Variants in ELAPOR1 observed in about 807,000 individuals in gnomAD.
The protein encoded by ELAPOR1 is endosome-lysosome associated apoptosis and autophagy regulator 1.
In ELAPOR1, 77 loss-of-function variants were observed where a neutral mutation model predicts 119.7. That is an observed-to-expected ratio of 0.64 (90% confidence interval 0.54 to 0.78). The LOEUF is 0.78. Ranked by LOEUF, ELAPOR1 falls within the 30% of genes least tolerant of loss-of-function variation. The pLI, the probability that ELAPOR1 is intolerant of heterozygous loss-of-function variation, is 0.00. For missense variants in ELAPOR1, 1,115 were observed against 1,270.4 expected, an observed-to-expected ratio of 0.88 and a Z score of 1.86; for synonymous variants, 481 against 487.2, an observed-to-expected ratio of 0.99 and a Z score of 0.17.
intron 15 of ELAPOR1, among the ~76,000 whole-genome samples, chr1:109,195,003 G>A (rs1056805899): frequency 7.2e-5 from 11 of 152,086 alleles, no homozygotes; most frequent in Admixed American, 1.3e-4. Context: ...CCAGCTACTC[G>A]AGAGGCTGAG....
chr1:109,152,813 G>T (rs938605115), intron 1 of ELAPOR1, among the ~76,000 whole-genome samples: 3 of 151,746 alleles, frequency 2.0e-5, no homozygotes, highest in Admixed American at 2.0e-4. Flanking sequence ...AGGCATGGTG[G>T]TGCATGCCTG....
At chr1:109,129,339 G>A (rs1287194812) in intron 1 of ELAPOR1, among the ~76,000 whole-genome samples, 2 of 151,962 alleles carry the variant, frequency 1.3e-5, no homozygotes, top group Admixed American at 1.3e-4. Flanking sequence ...GTGAAACCCC[G>A]TCTCTACTAA....
intron 1 of ELAPOR1, among the ~76,000 whole-genome samples, chr1:109,145,493 T>C (rs1376928563): frequency 2.0e-5 from 3 of 151,950 alleles, no homozygotes; most frequent in Non-Finnish European, 2.9e-5. Context: ...CTGTCTCTAC[T>C]AAAAATACAA....
At chr1:109,119,148 C>T (rs1214384661) in intron 1 of ELAPOR1, among the ~76,000 whole-genome samples, 2 of 151,774 alleles carry the variant, frequency 1.3e-5, no homozygotes, top group African/African-American at 4.8e-5. Flanking sequence ...CTGCCCGCCT[C>T]GGCCTCCCAA....
At chr1:109,159,984 A>G (rs1413926428) in intron 1 of ELAPOR1, among the ~76,000 whole-genome samples, 1 of 152,198 alleles carries the variant, frequency 6.6e-6, no homozygotes, top group African/African-American at 2.4e-5. Context: ...ATATATGTAT[A>G]GTTGCCCTAT....
chr1:109,114,903 C>T (rs1647888263), intron 1 of ELAPOR1, among the ~76,000 whole-genome samples: 1 of 152,108 alleles, frequency 6.6e-6, no homozygotes, highest in Non-Finnish European at 1.5e-5. Flanking sequence ...AAATGTGTCT[C>T]CTCCTTATAG....
rs543704854 is a variant in ELAPOR1, at chr1:109,162,109, C to T, written c.274+95C>T. On this transcript the variant is annotated intron_variant, in intron 2 of 21. Coordinates refer to ENST00000369939, the MANE Select transcript of ELAPOR1 (RefSeq NM_020775.5). ...CCAATCTGGGCCCTTCCTGGCAGAG[C>T]AGCTGCATTAAGGAATCAGATCTTT... is the stretch of plus-strand genomic sequence containing the variant. The T allele has an allele frequency of 9.4e-5, 129 of 1,370,686 alleles. No individual in the cohort carries two copies. In the Middle Eastern group the frequency reaches 2.4e-3, roughly 25 times the overall value. The allele number at this position is 1,370,686 out of a possible 1,614,324, so 84.9% of individuals were successfully genotyped here.
chr1:109,196,487 A>G (rs935894341), intron 15 of ELAPOR1, among the ~76,000 whole-genome samples: 3 of 152,136 alleles, frequency 2.0e-5, no homozygotes, highest in African/African-American at 7.2e-5. Context: ...GAAGGTGGGG[A>G]ATTTGGGGAA....
chr1:109,160,840 C>T (rs565077248), intron 1 of ELAPOR1, among the ~76,000 whole-genome samples: 8 of 152,242 alleles, frequency 5.3e-5, no homozygotes, highest in East Asian at 1.9e-4. Flanking sequence ...GAGGAAGAAA[C>T]GCTTAAGGGC....
At position 109,161,908 on chromosome 1, in the gene ELAPOR1, T is replaced by C; in HGVS notation, c.168T>C (p.Tyr56=). 1.2e-6 allele frequency: 2 copies of C among 1,613,090 alleles called. No individual in the cohort carries two copies. Among genetic ancestry groups the C allele is most frequent in the Non-Finnish European group, 1.7e-6 (2 of 1,179,102 alleles). ...CTCCCCTGCAGTCTGAGTACCACTA[T>C]GAGTACACGGCGTGTGACAGCACGG... is the stretch of plus-strand genomic sequence containing the variant. The part of the protein sequence containing the change: ...LHACKESEYH[Y]EYTACDSTGS... Residue 56 remains tyrosine, a synonymous_variant, in exon 2 of 22, where the codon TAT becomes TAC. Transcript: ENST00000369939.
intron 1 of ELAPOR1, among the ~76,000 whole-genome samples, chr1:109,132,674 G>C (rs909382703): frequency 6.6e-6 from 1 of 152,170 alleles, no homozygotes; most frequent in East Asian, 1.9e-4. Flanking sequence ...AGCCATGCAA[G>C]GGTAGGGATC....
chr1:109,177,326 C>T (rs1469248649), intron 7 of ELAPOR1, among the ~76,000 whole-genome samples: 1 of 131,154 alleles, frequency 7.6e-6, no homozygotes, highest in African/African-American at 3.3e-5. Flanking sequence ...CGGAGGGGCT[C>T]CTCACTTCTC....
In ELAPOR1 at chr1:109,173,802, C is replaced by T. The variant is rs148189170; in HGVS notation, c.917C>T (p.Thr306Ile). Residue 306 changes from threonine to isoleucine, a missense_variant, in exon 7 of 22, where the codon ACT becomes ATT. Thr to Ile is a moderately conservative substitution (Grantham distance 89). Transcript: ENST00000369939. ...AACTCTTATTCAAATAAAGGAGAAA[C>T]TTCTTGCCACCAGTGTGACCCTGAC... ...PANSYSNKGE[T>I]SCHQCDPDKY... 1 of 1,614,010 alleles carries T rather than the reference C, an allele frequency of 6.2e-7. No individual in the cohort carries two copies. Among genetic ancestry groups the T allele is most frequent in the African/African-American group, 1.3e-5 (1 of 74,906 alleles).
At chr1:109,145,604 C>T (rs112528071) in intron 1 of ELAPOR1, among the ~76,000 whole-genome samples, 11,512 of 152,064 alleles carry the variant, frequency 0.076, 593 homozygotes, top group African/African-American at 0.15. Context: ...TGCAGTGAAC[C>T]GAGATCGTGC....
At chr1:109,130,501 T>TTATA (rs10687068) in intron 1 of ELAPOR1, among the ~76,000 whole-genome samples, 7 of 149,830 alleles carry the variant, frequency 4.7e-5, no homozygotes, top group East Asian at 1.9e-4. Context: ...ATTTTTAAAA[T>TTATA]TATATATATA....
At chr1:109,187,280 G>C in intron 8 of ELAPOR1, 1 of 985,472 alleles carries the variant, frequency 1.0e-6, no homozygotes, top group Non-Finnish European at 1.2e-6. Context: ...ACTCACAGGA[G>C]GCAGGTGAGG....
At chr1:109,154,099 T>C (rs1650708029) in intron 1 of ELAPOR1, among the ~76,000 whole-genome samples, 2 of 151,040 alleles carry the variant, frequency 1.3e-5, no homozygotes, top group Non-Finnish European at 3.0e-5. Flanking sequence ...CTGACCAACA[T>C]GGAGAAACCC....
At position 109,143,939 on chromosome 1, in the gene ELAPOR1, G is replaced by C. The variant is rs148686767; in HGVS notation, c.154-17955G>C. 1.5e-3 allele frequency among the ~76,000 whole-genome samples: 222 copies of C among 151,152 alleles called. 5 individuals carry two copies. The South Asian group carries it at 0.027, about 19-fold the overall frequency. ...GCTTCCCAAAGTGCTGGGATTATAG[G>C]TGTGAGCCACTGCTCTTGGCCTAAA... On this transcript the variant is annotated intron_variant, in intron 1 of 21. Transcript: ENST00000369939.
rs542628567 is a variant in ELAPOR1 at position 109,119,166 on chromosome 1, G to A, written c.153+4830G>A. 6.3e-4 allele frequency among the ~76,000 whole-genome samples: 96 copies of A among 151,592 alleles called. 1 individual carries two copies. The South Asian group carries it at 6.9e-3, about 11-fold the overall frequency. The stretch of plus-strand genomic sequence containing the variant: ...CCCGCCTCGGCCTCCCAAAGTGCTG[G>A]CATTACAGGAGTGAGCCACCACACC... On this transcript the variant is annotated intron_variant, in intron 1 of 21. Transcript: ENST00000369939.
Sources: allele counts gnomAD v4.1 joint callset (sites outside exome capture counted in the v4.1 genomes callset), GRCh38; gene constraint gnomAD v4.1.1; transcripts MANE v1.5; gene names NCBI Gene and HGNC (gene_info 2026-07-23, HGNC 2026-07-21).